Variants in FOXP2 observed in about 807,000 individuals in gnomAD.
The protein encoded by FOXP2 is forkhead box P2, also known as forkhead box protein P2.
Under a neutral mutation model 115.8 loss-of-function variants are expected in FOXP2, and 12 were observed. The observed-to-expected ratio is 0.10, with a 90% confidence interval of 0.07 to 0.17. FOXP2 has a LOEUF of 0.17. Among genes scored for constraint, FOXP2 ranks in the 10% least tolerant of loss-of-function variants. The probability of loss-of-function intolerance (pLI) is 1.00; values close to 1 mark genes in which losing one functional copy is unlikely to be tolerated. For missense variants in FOXP2, 629 were observed against 843.5 expected (o/e 0.75, Z 3.15); for synonymous variants, 328 against 297.7 (o/e 1.10, Z -1.05).
chr7:114,607,435 A>T (rs1803389870), intron 3 of FOXP2, among the ~76,000 whole-genome samples: 1 of 152,218 alleles, frequency 6.6e-6, no homozygotes, highest in Non-Finnish European at 1.5e-5. Context: ...CAAGATTTGT[A>T]AAACAGAAAG....
At chr7:114,329,810 GGGATTACA>G (rs1188076120) in intron 2 of FOXP2, among the ~76,000 whole-genome samples, 1 of 151,932 alleles carries the variant, frequency 6.6e-6, no homozygotes, top group Non-Finnish European at 1.5e-5. Flanking sequence ...CCAAGTCGCT[GGGATTACA>G]GGCACGTGCC....
intron 1 of FOXP2, among the ~76,000 whole-genome samples, chr7:114,131,499 A>G (rs1346805070): frequency 6.6e-6 from 1 of 151,996 alleles, no homozygotes; most frequent in African/African-American, 2.4e-5. Flanking sequence ...TTTTTACCTC[A>G]TTCACTTCAC....
At chr7:114,649,879 C>T (rs577428580) in intron 8 of FOXP2, among the ~76,000 whole-genome samples, 3 of 152,188 alleles carry the variant, frequency 2.0e-5, no homozygotes, top group Non-Finnish European at 2.9e-5. Context: ...AGTGGCAGCT[C>T]TGGCATTTCA....
At chr7:114,153,819 T>C (rs1291625506) in intron 1 of FOXP2, among the ~76,000 whole-genome samples, 1 of 152,172 alleles carries the variant, frequency 6.6e-6, no homozygotes, top group African/African-American at 2.4e-5. Flanking sequence ...ATTAGAGATA[T>C]GTCTTTGATG....
chr7:114,314,551 T>C (rs1336426608), intron 2 of FOXP2, among the ~76,000 whole-genome samples: 2 of 152,288 alleles, frequency 1.3e-5, no homozygotes, highest in East Asian at 1.9e-4. Flanking sequence ...TATGAAGATA[T>C]AGTCTTATAT....
intron 16 of FOXP2, among the ~76,000 whole-genome samples, chr7:114,677,197 A>G (rs563140957): frequency 4.6e-5 from 7 of 151,924 alleles, no homozygotes; most frequent in African/African-American, 7.2e-5. Flanking sequence ...CAAAAAAAAC[A>G]AACTTAAGAC....
At chr7:114,263,510 G>A (rs1562843439) in intron 1 of FOXP2, among the ~76,000 whole-genome samples, 1 of 148,760 alleles carries the variant, frequency 6.7e-6, no homozygotes, top group Admixed American at 6.7e-5. Context: ...CTGGTGTTTA[G>A]TGCTGTGATC....
intron 3 of FOXP2, among the ~76,000 whole-genome samples, chr7:114,626,256 A>G (rs1011573211): frequency 1.3e-5 from 2 of 151,786 alleles, no homozygotes; most frequent in Non-Finnish European, 3.0e-5. Flanking sequence ...AAATTTGCTC[A>G]TTTATCAAAT....
At chr7:114,406,234 T>A (rs1249029649) in intron 2 of FOXP2, among the ~76,000 whole-genome samples, 2 of 151,928 alleles carry the variant, frequency 1.3e-5, no homozygotes, top group African/African-American at 4.8e-5. Flanking sequence ...CCACTAAAAA[T>A]AAGTTTAGTT....
At position 114,518,304 on chromosome 7, in the gene FOXP2, AATGAAATTT is replaced by A. The variant is rs147654777; in HGVS notation, c.169-16302_169-16294del. Among the ~76,000 whole-genome samples the A allele has an allele frequency of 1.9e-3, 285 of 152,312 alleles. 1 individual carries two copies. Among genetic ancestry groups the A allele is most frequent in the Admixed American group, 6.3e-3 (97 of 15,288 alleles). On this transcript the variant is annotated intron_variant, in intron 2 of 16. Transcript: ENST00000350908. ...AGTAAAATGTGTTTTAATAATATTCAATGAAATTTATGAAATTTAAGTGTTCTTATTTTC... is the reference window on the plus strand; with the variant it reads ...AGTAAAATGTGTTTTAATAATATTCAATGAAATTTAAGTGTTCTTATTTTC...
In FOXP2 at chr7:114,513,147, A is replaced by G. The variant is rs559423512; in HGVS notation, c.169-21470A>G. Among the ~76,000 whole-genome samples, 3 of 152,252 alleles carry G rather than the reference A, an allele frequency of 2.0e-5. No homozygotes were observed. In the South Asian group the frequency reaches 6.2e-4, roughly 32 times the overall value. The stretch of plus-strand genomic sequence containing the variant: ...GGTTAAATTACTCAACCTCTCTAGG[A>G]CTACTTTCATAATACAGTTTGAGGA... On this transcript the variant is annotated intron_variant, in intron 2 of 16. Coordinates refer to ENST00000350908, the MANE Select transcript of FOXP2 (RefSeq NM_014491.4).
chr7:114,630,032 A>C, intron 5 of FOXP2, 27 bp downstream of exon 5: 1 of 1,605,096 alleles, frequency 6.2e-7, no homozygotes, highest in Non-Finnish European at 8.5e-7. Context: ...TCATTGATAC[A>C]TAACAGTTTG....
intron 2 of FOXP2, among the ~76,000 whole-genome samples, chr7:114,318,952 T>C (rs1207893985): frequency 6.6e-6 from 1 of 152,100 alleles, no homozygotes. Flanking sequence ...GAAAACAACA[T>C]CTAACCTACA....
At chr7:114,204,691 G>A (rs1371702938) in intron 1 of FOXP2, among the ~76,000 whole-genome samples, 2 of 152,116 alleles carry the variant, frequency 1.3e-5, no homozygotes, top group East Asian at 3.9e-4. Context: ...TGCTTTTTGT[G>A]ACAAAATTGT....
intron 2 of FOXP2, among the ~76,000 whole-genome samples, chr7:114,519,476 A>G (rs2129268188): frequency 6.6e-6 from 1 of 152,302 alleles, no homozygotes; most frequent in South Asian, 2.1e-4. Context: ...GACAAGTGAT[A>G]GCAGTAGAAA....
chr7:114,306,097 G>A (rs116200724), intron 2 of FOXP2, among the ~76,000 whole-genome samples: 3,506 of 152,218 alleles, frequency 0.023, 89 homozygotes, highest in African/African-American at 0.055. Flanking sequence ...TGGAAATTAT[G>A]TATATTAAAA....
At chr7:114,574,095 A>G (rs1354958583) in intron 3 of FOXP2, among the ~76,000 whole-genome samples, 1 of 151,776 alleles carries the variant, frequency 6.6e-6, no homozygotes, top group Non-Finnish European at 1.5e-5. Context: ...CTCACTAATA[A>G]ATTATATTTA....
intron 2 of FOXP2, among the ~76,000 whole-genome samples, chr7:114,462,509 C>T (rs552903761): frequency 1.5e-4 from 23 of 150,316 alleles, no homozygotes; most frequent in South Asian, 1.5e-3. Context: ...GTAGCTGGGA[C>T]TACAGGCACG....
chr7:114,284,861 G>T (rs1488920725), intron 1 of FOXP2, among the ~76,000 whole-genome samples: 1 of 152,132 alleles, frequency 6.6e-6, no homozygotes, highest in Admixed American at 6.6e-5. Flanking sequence ...AAAGAAATGA[G>T]GTGATATACT....
Sources: gnomAD v4.1 joint callset for allele counts (sites outside exome capture counted in the v4.1 genomes callset) on GRCh38, gnomAD v4.1.1 for gene constraint, MANE v1.5 for transcripts, NCBI Gene and HGNC (gene_info 2026-07-23, HGNC 2026-07-21) for gene names.